The following MACROD2 variants were observed in gnomAD, a reference collection of about 807,000 sequenced individuals.
MACROD2 encodes the protein ADP-ribose glycohydrolase MACROD2.
In MACROD2, 36 loss-of-function variants were observed where a neutral mutation model predicts 70.4. The ratio of observed to expected loss-of-function variants is 0.51; its 90% CI spans 0.39 to 0.68. The LOEUF (loss-of-function observed/expected upper bound fraction) is 0.68, where lower values mean the gene tolerates loss of function less well. Ranked by LOEUF, MACROD2 falls within the 30% of genes least tolerant of loss-of-function variation. The probability of loss-of-function intolerance (pLI) is 0.00; values close to 1 mark genes in which losing one functional copy is unlikely to be tolerated. For synonymous variants in MACROD2, 172 were observed against 178.8 expected (o/e 0.96, Z 0.30); for missense variants, 496 against 538.4 (o/e 0.92, Z 0.78).
At chr20:14,158,572 G>A (rs1403706975) in intron 3 of MACROD2, among the ~76,000 whole-genome samples, 1 of 151,900 alleles carries the variant, frequency 6.6e-6, no homozygotes, top group Non-Finnish European at 1.5e-5. Context: ...GTCTTGAGTT[G>A]ATTTTTGTAT....
chr20:14,399,021 A>T (rs1190051784), intron 3 of MACROD2, among the ~76,000 whole-genome samples: 20 of 139,106 alleles, frequency 1.4e-4, no homozygotes, highest in Non-Finnish European at 2.3e-4. Context: ...CTCAATGAGT[A>T]TTTTTTTTTT....
chr20:14,249,128 GTTTTTTT>G (rs1173672516), intron 3 of MACROD2, among the ~76,000 whole-genome samples: 1 of 103,078 alleles, frequency 9.7e-6, no homozygotes, highest in Non-Finnish European at 1.9e-5. Context: ...GATTTCAAAG[GTTTTTTT>G]TTTTTTTTTT....
chr20:15,004,234 T>A (rs551388991), intron 5 of MACROD2, among the ~76,000 whole-genome samples: 1 of 152,372 alleles, frequency 6.6e-6, no homozygotes, highest in East Asian at 1.9e-4. Context: ...TACACTTCGC[T>A]GACATTTTTC....
At chr20:15,198,122 G>A (rs1431213453) in intron 5 of MACROD2, among the ~76,000 whole-genome samples, 6 of 151,918 alleles carry the variant, frequency 3.9e-5, no homozygotes, top group Admixed American at 3.3e-4. Context: ...CCACCACACC[G>A]GCTAATTTCT....
chr20:15,302,947 T>A (rs1277784191), intron 6 of MACROD2, among the ~76,000 whole-genome samples: 1 of 152,190 alleles, frequency 6.6e-6, no homozygotes, highest in Non-Finnish European at 1.5e-5. Context: ...TTAACCTCCC[T>A]AAGCTTCAGT....
intron 5 of MACROD2, among the ~76,000 whole-genome samples, chr20:15,218,803 T>C (rs1303824153): frequency 6.6e-6 from 1 of 152,158 alleles, no homozygotes; most frequent in Non-Finnish European, 1.5e-5. Context: ...CCCAGCACTT[T>C]GGGAGGTCGA....
chr20:15,555,199 C>T (rs2048150366), intron 8 of MACROD2, among the ~76,000 whole-genome samples: 2 of 152,116 alleles, frequency 1.3e-5, no homozygotes, highest in African/African-American at 4.8e-5. Context: ...CAAGAGCCAA[C>T]TGCAGCCCTG....
At chr20:15,672,771 G>A (rs1014556211) in intron 8 of MACROD2, among the ~76,000 whole-genome samples, 1 of 152,114 alleles carries the variant, frequency 6.6e-6, no homozygotes, top group Non-Finnish European at 1.5e-5. Flanking sequence ...GGAGATCTTG[G>A]CCACTGATAT....
chr20:14,806,663 C>T (rs375094118), intron 5 of MACROD2, among the ~76,000 whole-genome samples: 8 of 152,092 alleles, frequency 5.3e-5, no homozygotes, highest in Admixed American at 3.3e-4. Context: ...CCCACCCCCA[C>T]GGAGACCAGC....
At chr20:15,420,101 A>G (rs944198796) in intron 6 of MACROD2, among the ~76,000 whole-genome samples, 1 of 152,222 alleles carries the variant, frequency 6.6e-6, no homozygotes, top group Non-Finnish European at 1.5e-5. Context: ...ACAGTAAAAC[A>G]TTCCTACAAG....
At chr20:14,398,141 C>T (rs2083600304) in intron 3 of MACROD2, among the ~76,000 whole-genome samples, 1 of 152,074 alleles carries the variant, frequency 6.6e-6, no homozygotes, top group African/African-American at 2.4e-5. Context: ...GCTTTATCCA[C>T]TTATCTGTGG....
intron 3 of MACROD2, among the ~76,000 whole-genome samples, chr20:14,198,770 A>G (rs540208635): frequency 2.6e-4 from 40 of 152,162 alleles, no homozygotes; most frequent in East Asian, 2.1e-3. Flanking sequence ...CTCTCTCCTT[A>G]AAACATGCTT....
chr20:14,972,564 G>A (rs1349591079), intron 5 of MACROD2, among the ~76,000 whole-genome samples: 3 of 152,152 alleles, frequency 2.0e-5, no homozygotes, highest in Non-Finnish European at 4.4e-5. Context: ...CTAATGCCCA[G>A]AAACAAGTGG....
At chr20:15,383,722 T>A (rs887184045) in intron 6 of MACROD2, among the ~76,000 whole-genome samples, 1 of 152,168 alleles carries the variant, frequency 6.6e-6, no homozygotes, top group African/African-American at 2.4e-5. Flanking sequence ...AAACAAAATA[T>A]GATATGTGTT....
intron 5 of MACROD2, among the ~76,000 whole-genome samples, chr20:15,193,914 A>T (rs572234238): frequency 1.3e-5 from 2 of 151,934 alleles, no homozygotes; most frequent in East Asian, 1.9e-4. Flanking sequence ...CCATGCTTCA[A>T]TTGGGGGAGA....
chr20:15,875,157 A>G (rs971120420), intron 9 of MACROD2, among the ~76,000 whole-genome samples: 1 of 152,148 alleles, frequency 6.6e-6, no homozygotes, highest in African/African-American at 2.4e-5. Context: ...GTCTAGTTCA[A>G]CCCATTTGGG....
At chr20:14,058,452 A>G (rs1379092633) in intron 2 of MACROD2, among the ~76,000 whole-genome samples, 1 of 145,382 alleles carries the variant, frequency 6.9e-6, no homozygotes, top group East Asian at 2.0e-4. Context: ...AAAAAAAAAA[A>G]TGAAACTTTT....
chr20:15,771,989 G>A (rs1439258053), intron 8 of MACROD2, among the ~76,000 whole-genome samples: 2 of 149,230 alleles, frequency 1.3e-5, no homozygotes, highest in Admixed American at 1.3e-4. Flanking sequence ...GGAGGCTGAG[G>A]CAGGAGAATG....
intron 7 of MACROD2, among the ~76,000 whole-genome samples, chr20:15,481,569 G>A (rs187386594): frequency 2.0e-4 from 30 of 151,982 alleles, no homozygotes; most frequent in African/African-American, 7.3e-4. Flanking sequence ...TAAACGCAGT[G>A]TTAACTAAAA....
Sources: gnomAD v4.1 joint callset for allele counts (sites outside exome capture counted in the v4.1 genomes callset) on GRCh38, gnomAD v4.1.1 for gene constraint, MANE v1.5 for transcripts, NCBI Gene and HGNC (gene_info 2026-07-23, HGNC 2026-07-21) for gene names.